The following DPYSL5 variants were observed in gnomAD, a reference collection of about 807,000 sequenced individuals.
DPYSL5 encodes the protein dihydropyrimidinase-related protein 5.
Under a neutral mutation model 58.4 loss-of-function variants are expected in DPYSL5, and 9 were observed. The observed-to-expected ratio is 0.15, with a 90% CI of 0.09 to 0.27. The LOEUF is 0.27. DPYSL5 is among the 10% of genes least tolerant of loss of function. The probability of loss-of-function intolerance (pLI) is 1.00; values close to 1 mark genes in which losing one functional copy is unlikely to be tolerated. For synonymous variants in DPYSL5, 293 were observed against 301.9 expected, an observed-to-expected ratio of 0.97 and a Z score of 0.31; for missense variants, 499 against 770.6, an observed-to-expected ratio of 0.65 and a Z score of 4.17.
In DPYSL5 at chr2:26,928,268, C is replaced by T; in HGVS notation, c.614C>T (p.Ala205Val). 2 of 1,613,942 alleles carry T rather than the reference C, an allele frequency of 1.2e-6. No individual in the cohort carries two copies. Among genetic ancestry groups the T allele is most frequent in the Middle Eastern group, 1.7e-4 (1 of 6,060 alleles). Residue 205 changes from alanine to valine, a missense_variant, in exon 5 of 13, where the codon GCA becomes GTA. Ala to Val is a moderately conservative substitution (Grantham distance 64). Coordinates refer to ENST00000288699, the MANE Select transcript of DPYSL5 (RefSeq NM_020134.4). ...GELVAEGAKE[A>V]LDLGITGPEG... is the part of the protein sequence containing the mutation. ...GCTGTTATCCAGGGTGCTAAGGAGG[C>T]ACTGGATTTGGGGATCACAGGCCCA... is the stretch of plus-strand genomic sequence containing the variant.
At position 26,900,396 on chromosome 2, in the gene DPYSL5, T is replaced by G. The variant is rs576901105; in HGVS notation, c.261+1636T>G. 3.3e-5 allele frequency among the ~76,000 whole-genome samples: 5 copies of G among 152,382 alleles called. No individual in the cohort carries two copies. In the East Asian group the frequency reaches 9.6e-4, roughly 29 times the overall value. On this transcript the variant is annotated intron_variant, in intron 2 of 12. Transcript: ENST00000288699. ...TATGTACCTTCGCATTGGCTTCTTTTGCTCAAAAATTCATAAATTCATTCA... is the reference window on the plus strand; with the variant it reads ...TATGTACCTTCGCATTGGCTTCTTTGGCTCAAAAATTCATAAATTCATTCA...
rs1274462611 is a variant in DPYSL5 at position 26,849,412 on chromosome 2, C to A, written c.-5+1158C>A. Reference sequence around the variant, plus strand: ...GATCCTCAGCTCCAGGCGCGGGGCCCCGCGGCCCAGGTGGCCGGCTGGGCG... The same window carrying A: ...GATCCTCAGCTCCAGGCGCGGGGCCACGCGGCCCAGGTGGCCGGCTGGGCG... On this transcript the variant is annotated intron_variant, in intron 1 of 12. Coordinates refer to ENST00000288699, the MANE Select transcript of DPYSL5 (RefSeq NM_020134.4). The surrounding 1 kb of genome is among the most constrained non-coding windows in gnomAD (Gnocchi z 6.2). 6.6e-6 allele frequency among the ~76,000 whole-genome samples: 1 copy of A among 152,016 alleles called. No individual in the cohort carries two copies. The highest frequency in any genetic ancestry group is 1.5e-5 in the Non-Finnish European group (1 of 67,978).
Position 26,933,233 on chromosome 2 carries a change from A to G in DPYSL5, c.715-25A>G. On this transcript the variant is annotated intron_variant, in intron 6 of 12. Transcript: ENST00000288699. This position sits in a 1 kb window ranked among gnomAD's most constrained non-coding sequence, Gnocchi z 4.2. Reference sequence around the variant, plus strand: ...TGAAGTTTATGGGTCAACCCTCCCTACTTCCCACTGTTTCTTGTGTTTAGA... The same window carrying G: ...TGAAGTTTATGGGTCAACCCTCCCTGCTTCCCACTGTTTCTTGTGTTTAGA... The G allele has an allele frequency of 6.2e-7, 1 of 1,610,912 alleles. No homozygotes were observed. Among genetic ancestry groups the G allele is most frequent in the Non-Finnish European group, 8.5e-7 (1 of 1,177,132 alleles).
At chr2:26,864,778 C>T (rs1666099635) in intron 1 of DPYSL5, among the ~76,000 whole-genome samples, 1 of 152,128 alleles carries the variant, frequency 6.6e-6, no homozygotes, top group Non-Finnish European at 1.5e-5. Flanking sequence ...AGCAGGGAGG[C>T]TTGGGCAGCA....
intron 1 of DPYSL5, among the ~76,000 whole-genome samples, chr2:26,863,088 C>T (rs1239665058): frequency 6.6e-6 from 1 of 152,194 alleles, no homozygotes; most frequent in Non-Finnish European, 1.5e-5. Flanking sequence ...CACCCACCTC[C>T]ATAATTATCT....
Position 26,927,582 on chromosome 2 carries a change from C to A in DPYSL5, c.600+150C>A. 1 of 997,270 alleles carries A rather than the reference C, an allele frequency of 1.0e-6. No individual in the cohort carries two copies. The highest frequency in any genetic ancestry group is 1.9e-5 in the South Asian group (1 of 51,736). The allele number at this position is 997,270 out of a possible 1,614,324, so 61.8% of individuals were successfully genotyped here. A position where few individuals can be genotyped will look rare whatever the true frequency, so the allele number is the denominator to read the frequency against. On this transcript the variant is annotated intron_variant, in intron 4 of 12. Transcript: ENST00000288699. This position sits in a 1 kb window ranked among gnomAD's most constrained non-coding sequence, Gnocchi z 4.3. The stretch of plus-strand genomic sequence containing the variant: ...GGTGTGGACACCCCAGCTGTCAGAT[C>A]TTGGTCAGAAAATCCAAACTTTACT...
Position 26,942,634 on chromosome 2 carries a change from C to T in DPYSL5, c.1324C>T (p.Arg442Trp). 1.2e-6 allele frequency: 2 copies of T among 1,614,114 alleles called. No individual in the cohort carries two copies. Among genetic ancestry groups the T allele is most frequent in the Non-Finnish European group, 1.7e-6 (2 of 1,180,034 alleles). The change falls in exon 11 of 13, where the codon CGG becomes TGG. Residue 442 changes from arginine (R) to tryptophan (W), a missense_variant. Physicochemically the swap from Arg to Trp is moderately radical, Grantham distance 101. Transcript: ENST00000288699. The surrounding 1 kb of genome is among the most constrained non-coding windows in gnomAD (Gnocchi z 5.9). ...CHGVPLVTISRGRVVYENGVF... is the reference protein window; with the variant it reads ...CHGVPLVTISWGRVVYENGVF... ...CGGCGTGCCACTGGTCACCATCAGCCGGGGGCGCGTCGTGTATGAGAACGG... is the reference window on the plus strand; with the variant it reads ...CGGCGTGCCACTGGTCACCATCAGCTGGGGGCGCGTCGTGTATGAGAACGG...
intron 1 of DPYSL5, among the ~76,000 whole-genome samples, chr2:26,850,223 A>G (rs1665716617): frequency 6.6e-6 from 1 of 152,188 alleles, no homozygotes; most frequent in Non-Finnish European, 1.5e-5. Context: ...ACCACACCCA[A>G]GCCAGTGCGT....
chr2:26,907,767 G>A (rs141452498), intron 2 of DPYSL5, among the ~76,000 whole-genome samples: 289 of 152,256 alleles, frequency 1.9e-3, no homozygotes, highest in Middle Eastern at 0.01. Flanking sequence ...CTTTCTTCTC[G>A]CCAGCTGAAA....
chr2:26,942,205 G>A lies in DPYSL5; in HGVS notation c.1232+113G>A, dbSNP rs1047231952. The A allele has an allele frequency of 4.2e-5, 62 of 1,487,000 alleles. No homozygotes were observed. The highest frequency in any genetic ancestry group is 1.1e-4 in the Admixed American group (5 of 46,646). The allele number at this position is 1,487,000 out of a possible 1,614,324, so 92.1% of individuals were successfully genotyped here. ...TGCACTATTTCTAGCACAAAATATG[G>A]CCCTGGCCTACCGTTGGCCATCTTC... On this transcript the variant is annotated intron_variant, in intron 10 of 12. Transcript: ENST00000288699. This position sits in a 1 kb window ranked among gnomAD's most constrained non-coding sequence, Gnocchi z 5.9.
At position 26,871,566 on chromosome 2, in the gene DPYSL5, C is replaced by T. The variant is rs1663262752; in HGVS notation, c.-5+23312C>T. On this transcript the variant is annotated intron_variant, in intron 1 of 12. Transcript: ENST00000288699. Reference sequence around the variant, plus strand: ...CAAGCAGTTCTCTGCCTCAGCCTCCCGAGTAGCTGGGATTACAGTTGCGCA... The same window carrying T: ...CAAGCAGTTCTCTGCCTCAGCCTCCTGAGTAGCTGGGATTACAGTTGCGCA... Among the ~76,000 whole-genome samples the T allele has an allele frequency of 2.0e-5, 3 of 151,988 alleles. 1 individual carries two copies. Among genetic ancestry groups the T allele is most frequent in the South Asian group, 2.1e-4 (1 of 4,810 alleles).
At chr2:26,916,532 A>G (rs1294649841) in intron 2 of DPYSL5, among the ~76,000 whole-genome samples, 2 of 152,168 alleles carry the variant, frequency 1.3e-5, no homozygotes, top group Non-Finnish European at 2.9e-5. Flanking sequence ...ATGTGATGGA[A>G]TCAGATTAAT....
At chr2:26,864,939 G>A (rs775704109) in intron 1 of DPYSL5, among the ~76,000 whole-genome samples, 4 of 152,126 alleles carry the variant, frequency 2.6e-5, no homozygotes, top group Non-Finnish European at 4.4e-5. Context: ...GCCCAAGAGG[G>A]TCAGAAATGA....
In DPYSL5 at chr2:26,924,879, C is replaced by G; in HGVS notation, c.262-8C>G. 6.2e-7 allele frequency: 1 copy of G among 1,612,824 alleles called. No individual in the cohort carries two copies. Among genetic ancestry groups the G allele is most frequent in the South Asian group, 1.1e-5 (1 of 90,864 alleles). ...CTGTGACGAGACTGCCTTTTCCCGTCTTCCCAGGCAGCACTCGTCGGAGGC... is the reference window on the plus strand; with the variant it reads ...CTGTGACGAGACTGCCTTTTCCCGTGTTCCCAGGCAGCACTCGTCGGAGGC... On this transcript the variant is annotated splice_region_variant and splice_polypyrimidine_tract_variant and intron_variant, in intron 2 of 12. Coordinates refer to ENST00000288699, the MANE Select transcript of DPYSL5 (RefSeq NM_020134.4). This position sits in a 1 kb window ranked among gnomAD's most constrained non-coding sequence, Gnocchi z 4.7.
intron 2 of DPYSL5, among the ~76,000 whole-genome samples, chr2:26,914,667 G>A (rs1460629580): frequency 1.3e-5 from 2 of 152,190 alleles, no homozygotes; most frequent in Non-Finnish European, 2.9e-5. Flanking sequence ...TCTCAGCAGT[G>A]GCTGCTGGCA....
At chr2:26,887,293 G>T (rs950694125) in intron 1 of DPYSL5, among the ~76,000 whole-genome samples, 10 of 152,232 alleles carry the variant, frequency 6.6e-5, no homozygotes, top group African/African-American at 2.4e-4. Flanking sequence ...AGGTCTTTAT[G>T]CAGGAAGGGT....
intron 2 of DPYSL5, among the ~76,000 whole-genome samples, chr2:26,921,798 C>T (rs957942044): frequency 2.0e-5 from 3 of 152,130 alleles, no homozygotes; most frequent in Non-Finnish European, 4.4e-5. Context: ...GCATGCCCCT[C>T]CCAGCTCATA....
intron 6 of DPYSL5, among the ~76,000 whole-genome samples, chr2:26,932,112 GAAA>G (rs1446515970): frequency 3.7e-5 from 3 of 81,492 alleles, no homozygotes; most frequent in Admixed American, 1.3e-4. Context: ...AGAAAGAAAA[GAAA>G]AAAGAAAGAG....
chr2:26,935,885 C>T (rs935941557), intron 8 of DPYSL5, among the ~76,000 whole-genome samples: 3 of 152,140 alleles, frequency 2.0e-5, no homozygotes, highest in Non-Finnish European at 4.4e-5. Flanking sequence ...TCCCAGCTTG[C>T]AGCACTGGCA....
Sources: allele counts gnomAD v4.1 joint callset (sites outside exome capture counted in the v4.1 genomes callset), GRCh38; gene constraint gnomAD v4.1.1; non-coding constraint Gnocchi (gnomAD v3.1); transcripts MANE v1.5; gene names NCBI Gene and HGNC (gene_info 2026-07-23, HGNC 2026-07-21).